The following PRKN variants were observed in gnomAD, a reference collection of about 807,000 sequenced individuals.
PRKN encodes parkin RBR E3 ubiquitin protein ligase, also known as E3 ubiquitin-protein ligase parkin.
Under a neutral mutation model 59.5 loss-of-function variants are expected in PRKN, and 56 were observed. The ratio of observed to expected loss-of-function variants is 0.94; its 90% confidence interval spans 0.76 to 1.18. The LOEUF (loss-of-function observed/expected upper bound fraction) is 1.18. Among genes scored for constraint, PRKN ranks in the 50% most tolerant of loss-of-function variants. The pLI is 0.00. For missense variants in PRKN, 657 were observed against 596.4 expected (o/e 1.10, Z -1.06); for synonymous variants, 250 against 222.1 (o/e 1.13, Z -1.12).
chr6:162,335,632 T>C (rs143974650), intron 2 of PRKN, among the ~76,000 whole-genome samples: 3 of 152,330 alleles, frequency 2.0e-5, no homozygotes, highest in Non-Finnish European at 4.4e-5. Context: ...TTAAATTCTT[T>C]AAAAGAAGTT....
intron 6 of PRKN, among the ~76,000 whole-genome samples, chr6:161,956,096 C>T (rs186297527): frequency 7.8e-4 from 119 of 152,274 alleles, no homozygotes; most frequent in African/African-American, 2.6e-3. Flanking sequence ...ATTTACTGTC[C>T]ATATGTGATC....
intron 5 of PRKN, among the ~76,000 whole-genome samples, chr6:161,996,703 TAAC>T: frequency 6.6e-6 from 1 of 152,252 alleles, no homozygotes; most frequent in South Asian, 2.1e-4. Flanking sequence ...TTTACATAGA[TAAC>T]AACACTATTC....
intron 7 of PRKN, among the ~76,000 whole-genome samples, chr6:161,634,985 C>G (rs759149581): frequency 6.6e-6 from 1 of 152,136 alleles, no homozygotes; most frequent in Non-Finnish European, 1.5e-5. Context: ...GAGGCCAGGA[C>G]AGTGATGTTG....
intron 7 of PRKN, among the ~76,000 whole-genome samples, chr6:161,755,536 T>C (rs1788879641): frequency 6.6e-6 from 1 of 152,044 alleles, no homozygotes; most frequent in African/African-American, 2.4e-5. Flanking sequence ...TTATTGCTGG[T>C]ACTTTCATAT....
intron 4 of PRKN, among the ~76,000 whole-genome samples, chr6:162,133,164 T>G (rs1282603550): frequency 2.0e-5 from 3 of 152,186 alleles, no homozygotes; most frequent in Non-Finnish European, 4.4e-5. Flanking sequence ...CTGAGAACAT[T>G]CTAGACATTG....
intron 7 of PRKN, among the ~76,000 whole-genome samples, chr6:161,600,730 C>T (rs776886046): frequency 1.6e-4 from 24 of 152,232 alleles, no homozygotes; most frequent in African/African-American, 5.8e-4. Context: ...AATGTTCTCA[C>T]CTACTAGATG....
rs531018933 is a variant in PRKN at position 162,040,357 on chromosome 6, A to G, written c.618+13734T>C. Among the ~76,000 whole-genome samples the G allele has an allele frequency of 7.9e-5, 12 of 152,170 alleles. No individual in the cohort carries two copies. The South Asian group carries it at 1.7e-3, about 21-fold the overall frequency. ...GTTCTACTGTTTTCTGTTCTTAGAA[A>G]CAAGTCACTAAGTCTGACCTAGGTC... On this transcript the variant is annotated intron_variant, in intron 5 of 11. Transcript: ENST00000366898.
intron 9 of PRKN, among the ~76,000 whole-genome samples, chr6:161,398,965 C>G (rs1326658275): frequency 1.3e-5 from 2 of 152,210 alleles, no homozygotes; most frequent in Non-Finnish European, 1.5e-5. Context: ...CCTGTTTTCA[C>G]ACCCAAATGT....
chr6:161,733,791 T>TACATATATATATATATATAC (rs1562641733), intron 7 of PRKN, among the ~76,000 whole-genome samples: 1 of 66,944 alleles, frequency 1.5e-5, no homozygotes, highest in African/African-American at 6.2e-5. Context: ...AAAATATATA[T>TACATATATATATATATATAC]ATATATGTAT....
At chr6:162,392,974 G>A (rs1787277893) in intron 2 of PRKN, among the ~76,000 whole-genome samples, 1 of 151,786 alleles carries the variant, frequency 6.6e-6, no homozygotes, top group African/African-American at 2.4e-5. Context: ...AACATCTTCA[G>A]TGCTTTTAGG....
intron 2 of PRKN, among the ~76,000 whole-genome samples, chr6:162,319,368 G>A (rs974597819): frequency 6.6e-6 from 1 of 151,916 alleles, no homozygotes; most frequent in African/African-American, 2.4e-5. Flanking sequence ...GAATGAATTA[G>A]GCCCTTTGGA....
chr6:161,767,666 G>A (rs1243041361), intron 7 of PRKN, among the ~76,000 whole-genome samples: 1 of 151,378 alleles, frequency 6.6e-6, no homozygotes, highest in East Asian at 1.9e-4. Flanking sequence ...GAAGTAAACA[G>A]TTAGAAGTCA....
intron 4 of PRKN, among the ~76,000 whole-genome samples, chr6:162,083,757 A>C (rs1312894000): frequency 6.6e-6 from 1 of 152,086 alleles, no homozygotes; most frequent in African/African-American, 2.4e-5. Flanking sequence ...ATTTTGACAA[A>C]ACACAGTACC....
chr6:161,899,976 G>T (rs1020394217), intron 6 of PRKN, among the ~76,000 whole-genome samples: 1 of 152,032 alleles, frequency 6.6e-6, no homozygotes, highest in East Asian at 1.9e-4. Context: ...ACAAAAATTA[G>T]CTGGGCGTCT....
chr6:161,892,123 G>A lies in PRKN; in HGVS notation c.734+81179C>T, dbSNP rs1403582265. Among the ~76,000 whole-genome samples, 3 of 152,150 alleles carry A rather than the reference G, an allele frequency of 2.0e-5. No homozygotes were observed. In the East Asian group the frequency reaches 5.8e-4, roughly 29 times the overall value. ...TTATAAATTCTCATCTTCCCTAAGTGCTTATATTTGAATATTCTTAAAATA... is the reference window on the plus strand; with the variant it reads ...TTATAAATTCTCATCTTCCCTAAGTACTTATATTTGAATATTCTTAAAATA... On this transcript the variant is annotated intron_variant, in intron 6 of 11. Transcript: ENST00000366898.
intron 4 of PRKN, among the ~76,000 whole-genome samples, chr6:162,102,997 C>T (rs1309862072): frequency 2.0e-4 from 29 of 147,870 alleles, no homozygotes; most frequent in Middle Eastern, 3.5e-3. Flanking sequence ...GAGCAGAGAT[C>T]GCGCCACTGC....
At chr6:161,756,420 T>A (rs1031581188) in intron 7 of PRKN, among the ~76,000 whole-genome samples, 2 of 106,384 alleles carry the variant, frequency 1.9e-5, no homozygotes, top group Non-Finnish European at 3.4e-5. Context: ...CCAGCCAGGG[T>A]GACAGAGTGA....
intron 3 of PRKN, among the ~76,000 whole-genome samples, chr6:162,222,338 A>G (rs1449756926): frequency 6.6e-6 from 1 of 152,134 alleles, no homozygotes; most frequent in Admixed American, 6.6e-5. Context: ...GGTCGGCCTG[A>G]CCCAATCAGA....
At chr6:161,896,237 A>G (rs9458413) in intron 6 of PRKN, among the ~76,000 whole-genome samples, 30,884 of 152,132 alleles carry the variant, frequency 0.2, 4,029 homozygotes, top group African/African-American at 0.38. Context: ...TCTCCCCTTG[A>G]ACCTGGGCAG....
Sources: allele counts gnomAD v4.1 joint callset (sites outside exome capture counted in the v4.1 genomes callset), GRCh38; gene constraint gnomAD v4.1.1; transcripts MANE v1.5; gene names NCBI Gene and HGNC (gene_info 2026-07-23, HGNC 2026-07-21).